SLC5A3: variants seen among roughly 807,000 people sequenced by gnomAD.
The protein encoded by SLC5A3 is sodium/myo-inositol cotransporter.
A neutral mutation model predicts 43.2 loss-of-function variants in SLC5A3; 10 were observed. The observed-to-expected ratio is 0.23, with a 90% CI of 0.14 to 0.39. The LOEUF (loss-of-function observed/expected upper bound fraction) is 0.39. Among genes scored for constraint, SLC5A3 ranks in the 10% least tolerant of loss-of-function variants. SLC5A3 has a pLI of 1.00. For missense variants in SLC5A3, 608 were observed against 893.4 expected (o/e 0.68, Z 4.07); for synonymous variants, 349 against 322.0 (o/e 1.08, Z -0.90).
Position 34,098,259 on chromosome 21 carries a change from C to G in SLC5A3, c.*904C>G. On this transcript the variant is annotated 3_prime_UTR_variant, in exon 2 of 2. Coordinates refer to ENST00000381151, the MANE Select transcript of SLC5A3 (RefSeq NM_006933.7). ...ATTCTGCTAATTTTCTAGCTTTATT[C>G]TTGTTATTTGGAAAAATTATTAGCC... 1 of 999,836 alleles carries G rather than the reference C, an allele frequency of 1.0e-6. No homozygotes were observed. Among genetic ancestry groups the G allele is most frequent in the Non-Finnish European group, 1.2e-6 (1 of 829,788 alleles). The allele number at this position is 999,836 out of a possible 1,614,324, so 61.9% of individuals were successfully genotyped here. A position where few individuals can be genotyped will look rare whatever the true frequency, so the allele number is the denominator to read the frequency against.
chr21:34,084,844 CAG>C (rs1015743779), intron 1 of SLC5A3, among the ~76,000 whole-genome samples: 30 of 152,096 alleles, frequency 2.0e-4, no homozygotes, highest in African/African-American at 7.0e-4. Flanking sequence ...AAAAAAATTT[CAG>C]ACTTAAAGAG....
Position 34,095,112 on chromosome 21 carries a change from G to A in SLC5A3, c.-87G>A. On this transcript the variant is annotated 5_prime_UTR_variant, in exon 2 of 2. Transcript: ENST00000381151. Reference sequence around the variant, plus strand: ...CTCTGTGTAGTCCAGTTCACGTATGGTTTACAGACTTGGCTGGGGTTACTA... The same window carrying A: ...CTCTGTGTAGTCCAGTTCACGTATGATTTACAGACTTGGCTGGGGTTACTA... 1.3e-6 allele frequency: 2 copies of A among 1,526,176 alleles called. No individual in the cohort carries two copies. The highest frequency in any genetic ancestry group is 1.8e-6 in the Non-Finnish European group (2 of 1,137,590). 94.5% of individuals were successfully genotyped at this position (1,526,176 alleles called of 1,614,324 possible).
Position 34,101,425 on chromosome 21 carries a change from A to G in SLC5A3, c.*4070A>G. On this transcript the variant is annotated 3_prime_UTR_variant, in exon 2 of 2. Transcript: ENST00000381151. ...AATGCTTTGAGGCTTCAGTATTTGT[A>G]AGATTTTGCATTAGCCAGATGCTAG... The G allele has an allele frequency of 1.0e-6, 1 of 1,000,180 alleles. No individual in the cohort carries two copies. The highest frequency in any genetic ancestry group is 1.2e-6 in the Non-Finnish European group (1 of 829,948). The allele number at this position is 1,000,180 out of a possible 1,614,324, so 62.0% of individuals were successfully genotyped here. A position where few individuals can be genotyped will look rare whatever the true frequency, so the allele number is the denominator to read the frequency against.
intron 1 of SLC5A3, among the ~76,000 whole-genome samples, chr21:34,085,039 C>T (rs753593996): frequency 1.3e-5 from 2 of 152,152 alleles, no homozygotes; most frequent in African/African-American, 4.8e-5. Context: ...GACATTGATA[C>T]GATACTACCA....
intron 1 of SLC5A3, among the ~76,000 whole-genome samples, chr21:34,088,209 G>GC (rs36106645): frequency 1 from 152,359 of 152,362 alleles, 76,178 homozygotes; most frequent in Middle Eastern, 1. Context: ...AGAATCTATA[G>GC]CTGTGATGAC....
At chr21:34,077,237 C>T (rs1258113626) in intron 1 of SLC5A3, among the ~76,000 whole-genome samples, 2 of 152,160 alleles carry the variant, frequency 1.3e-5, no homozygotes, top group Admixed American at 6.5e-5. Context: ...AATGGTAAAG[C>T]CGCATACTGT....
chr21:34,092,775 G>A lies in SLC5A3; in HGVS notation c.-336-2088G>A, dbSNP rs116101361. Among the ~76,000 whole-genome samples the A allele has an allele frequency of 2.0e-3, 309 of 152,124 alleles. 1 individual carries two copies. The highest frequency in any genetic ancestry group is 6.9e-3 in the African/African-American group (287 of 41,472). On this transcript the variant is annotated intron_variant, in intron 1 of 1. Coordinates refer to ENST00000381151, the MANE Select transcript of SLC5A3 (RefSeq NM_006933.7). ...TAACCCACCCTATTTCCCCCCCAAC[G>A]GCCAGATGAAACCAGAAATACCCAC...
At position 34,094,979 on chromosome 21, in the gene SLC5A3, A is replaced by G. The variant is rs79686588; in HGVS notation, c.-220A>G. On this transcript the variant is annotated 5_prime_UTR_variant, in exon 2 of 2. Transcript: ENST00000381151. Reference sequence around the variant, plus strand: ...ATTAAGAGTACGAGCTAAGTTCTCAATCCCAATTAAGAAGCGGAAAATTTA... The same window carrying G: ...ATTAAGAGTACGAGCTAAGTTCTCAGTCCCAATTAAGAAGCGGAAAATTTA... 1,037 of 543,782 alleles carry G rather than the reference A, an allele frequency of 1.9e-3. 29 individuals carry two copies. The East Asian group carries it at 0.027, about 14-fold the overall frequency. The allele number at this position is 543,782 out of a possible 1,614,324, so 33.7% of individuals were successfully genotyped here. A position where few individuals can be genotyped will look rare whatever the true frequency, so the allele number is the denominator to read the frequency against.
At position 34,102,563 on chromosome 21, in the gene SLC5A3, G is replaced by A; in HGVS notation, c.*5208G>A. ...CTAATCTTGTGCACTTTACTTTTTG[G>A]GCAGTACCATACATAGTCTGAGGCT... is the stretch of plus-strand genomic sequence containing the variant. On this transcript the variant is annotated 3_prime_UTR_variant, in exon 2 of 2. Coordinates refer to ENST00000381151, the MANE Select transcript of SLC5A3 (RefSeq NM_006933.7). 1 of 999,840 alleles carries A rather than the reference G, an allele frequency of 1.0e-6. No homozygotes were observed. Among genetic ancestry groups the A allele is most frequent in the Non-Finnish European group, 1.2e-6 (1 of 829,754 alleles). The allele number at this position is 999,840 out of a possible 1,614,324, so 61.9% of individuals were successfully genotyped here.
intron 1 of SLC5A3, among the ~76,000 whole-genome samples, chr21:34,089,510 C>T (rs886819550): frequency 7.9e-5 from 12 of 152,028 alleles, no homozygotes; most frequent in Admixed American, 2.6e-4. Flanking sequence ...ATGAGCCAAA[C>T]TTATTGGTAG....
chr21:34,105,016 CT>C lies in SLC5A3; in HGVS notation c.*7665del, dbSNP rs1979413195. 1 of 999,936 alleles carries C rather than the reference CT, an allele frequency of 1.0e-6. No homozygotes were observed. The highest frequency in any genetic ancestry group is 6.2e-5 in the Admixed American group (1 of 16,246). The allele number at this position is 999,936 out of a possible 1,614,324, so 61.9% of individuals were successfully genotyped here. On this transcript the variant is annotated 3_prime_UTR_variant, in exon 2 of 2. Transcript: ENST00000381151. ...TCTAATTTCACTGTGAGATCTCTAA[CT>C]TTTGAGTGGCAAACAGATCAAGTCT...
chr21:34,095,331 T>C lies in SLC5A3; in HGVS notation c.133T>C (p.Ser45Pro). ...TVSGYFLAGR[S>P]MTWVAIGASL... ...GAGTGGATACTTCCTGGCGGGGCGC[T>C]CTATGACCTGGGTAGCAATTGGTGC... The change falls in exon 2 of 2, where the codon TCT becomes CCT. Residue 45 changes from serine to proline, a missense_variant. Around this residue, in one of 2 missense-constraint regions of SLC5A3, gnomAD observed 398 missense variants for 668.6 expected, o/e 0.60. Transcript: ENST00000381151. The C allele has an allele frequency of 1.2e-6, 2 of 1,614,106 alleles. No homozygotes were observed. Among genetic ancestry groups the C allele is most frequent in the Non-Finnish European group, 1.7e-6 (2 of 1,179,982 alleles).
intron 1 of SLC5A3, among the ~76,000 whole-genome samples, chr21:34,093,091 T>G (rs1356751249): frequency 6.6e-6 from 1 of 152,260 alleles, no homozygotes; most frequent in Non-Finnish European, 1.5e-5. Flanking sequence ...TTAGATTTTA[T>G]TAAAAATTTA....
Position 34,095,287 on chromosome 21 carries a change from A to G in SLC5A3, c.89A>G (p.Lys30Arg), listed in dbSNP as rs1422736023. Residue 30 changes from lysine (K) to arginine (R), a missense_variant, in exon 2 of 2, where the codon AAA (lysine) becomes AGA (arginine). Lys to Arg is a conservative substitution (Grantham distance 26). This residue lies in a region of SLC5A3 where 398 missense variants were observed against 668.6 expected (regional missense o/e 0.60). Transcript: ENST00000381151. ...TGCATTGGTTTTTTTGCCATGTGGAAATCTAATAGAAGCACCGTGAGTGGA... is the reference window on the plus strand; with the variant it reads ...TGCATTGGTTTTTTTGCCATGTGGAGATCTAATAGAAGCACCGTGAGTGGA... ...VMCIGFFAMW[K>R]SNRSTVSGYF... The G allele has an allele frequency of 6.2e-7, 1 of 1,614,120 alleles. No homozygotes were observed. Among genetic ancestry groups the G allele is most frequent in the Non-Finnish European group, 8.5e-7 (1 of 1,179,988 alleles).
chr21:34,090,573 T>A (rs1389204450), intron 1 of SLC5A3, among the ~76,000 whole-genome samples: 1 of 152,222 alleles, frequency 6.6e-6, no homozygotes, highest in African/African-American at 2.4e-5. Flanking sequence ...GGGAAAATCC[T>A]AATATGCCTT....
In SLC5A3 at chr21:34,102,856, A is replaced by T. The variant is rs568912727; in HGVS notation, c.*5501A>T. 8.0e-6 allele frequency: 8 copies of T among 999,940 alleles called. No individual in the cohort carries two copies. In the African/African-American group the frequency reaches 1.4e-4, roughly 17 times the overall value. 61.9% of individuals were successfully genotyped at this position (999,940 alleles called of 1,614,324 possible). A position where few individuals can be genotyped will look rare whatever the true frequency, so the allele number is the denominator to read the frequency against. ...CTAGGTTGTTTACATTCAGAGCTCT[A>T]TCAATAAGAGGAATACATATTACAG... On this transcript the variant is annotated 3_prime_UTR_variant, in exon 2 of 2. Coordinates refer to ENST00000381151, the MANE Select transcript of SLC5A3 (RefSeq NM_006933.7).
chr21:34,104,580 A>C lies in SLC5A3; in HGVS notation c.*7225A>C. ...ACTATATCTGGTGTAGACTAATATG[A>C]GATGTTTTAGAAGAGTTAACCTGAA... On this transcript the variant is annotated 3_prime_UTR_variant, in exon 2 of 2. Transcript: ENST00000381151. 5 of 999,580 alleles carry C rather than the reference A, an allele frequency of 5.0e-6. No individual in the cohort carries two copies. Among genetic ancestry groups the C allele is most frequent in the Non-Finnish European group, 6.0e-6 (5 of 829,396 alleles). The allele number at this position is 999,580 out of a possible 1,614,324, so 61.9% of individuals were successfully genotyped here. A position where few individuals can be genotyped will look rare whatever the true frequency, so the allele number is the denominator to read the frequency against.
chr21:34,095,146 T>A lies in SLC5A3; in HGVS notation c.-53T>A. 1 of 1,521,040 alleles carries A rather than the reference T, an allele frequency of 6.6e-7. No homozygotes were observed. Among genetic ancestry groups the A allele is most frequent in the Non-Finnish European group, 8.8e-7 (1 of 1,140,994 alleles). The allele number at this position is 1,521,040 out of a possible 1,614,324, so 94.2% of individuals were successfully genotyped here. A position where few individuals can be genotyped will look rare whatever the true frequency, so the allele number is the denominator to read the frequency against. On this transcript the variant is annotated 5_prime_UTR_variant, in exon 2 of 2. Coordinates refer to ENST00000381151, the MANE Select transcript of SLC5A3 (RefSeq NM_006933.7). Reference sequence around the variant, plus strand: ...CTTGGCTGGGGTTACTAAAAATAAATAAAAAGTTGGACACTTCTGTCATTG... The same window carrying A: ...CTTGGCTGGGGTTACTAAAAATAAAAAAAAAGTTGGACACTTCTGTCATTG...
Position 34,091,974 on chromosome 21 carries a change from A to G in SLC5A3, c.-336-2889A>G, listed in dbSNP as rs149212855. 3.3e-5 allele frequency among the ~76,000 whole-genome samples: 5 copies of G among 152,352 alleles called. No homozygotes were observed. The East Asian group carries it at 7.7e-4, about 24-fold the overall frequency. On this transcript the variant is annotated intron_variant, in intron 1 of 1. Coordinates refer to ENST00000381151, the MANE Select transcript of SLC5A3 (RefSeq NM_006933.7). ...TTTGCGTGAATGATGAACTGTGACA[A>G]AAAGCATATATAAATATAAAAATAC...
Sources: allele counts gnomAD v4.1 joint callset (sites outside exome capture counted in the v4.1 genomes callset), GRCh38; gene constraint gnomAD v4.1.1; regional missense constraint gnomAD v4.1.1; transcripts MANE v1.5; gene names NCBI Gene and HGNC (gene_info 2026-07-23, HGNC 2026-07-21).